Variants in SGCZ observed in about 807,000 individuals in gnomAD.
SGCZ encodes sarcoglycan zeta, also known as zeta-sarcoglycan.
A neutral mutation model predicts 41.3 loss-of-function variants in SGCZ; 40 were observed. The observed-to-expected ratio is 0.97, with a 90% CI of 0.75 to 1.26. The LOEUF is 1.26. Among genes scored for constraint, SGCZ ranks in the 50% most tolerant of loss-of-function variants. The probability of loss-of-function intolerance (pLI) is 0.00; values close to 1 mark genes in which losing one functional copy is unlikely to be tolerated. For synonymous variants in SGCZ, 206 were observed against 137.5 expected (o/e 1.50, Z -3.49); for missense variants, 552 against 369.8 (o/e 1.49, Z -4.04).
chr8:15,208,898 T>TAGAG (rs1174731361), intron 1 of SGCZ, among the ~76,000 whole-genome samples: 2 of 121,018 alleles, frequency 1.7e-5, no homozygotes, highest in Non-Finnish European at 3.8e-5. Flanking sequence ...CCTATACATA[T>TAGAG]ATATAGAGAG....
intron 1 of SGCZ, among the ~76,000 whole-genome samples, chr8:14,566,902 G>C (rs537190721): frequency 3.3e-5 from 5 of 152,158 alleles, no homozygotes; most frequent in African/African-American, 4.8e-5. Flanking sequence ...CTGTGGGCTC[G>C]GCAGGCCCCA....
chr8:14,240,037 A>C (rs769375871), intron 3 of SGCZ, among the ~76,000 whole-genome samples: 4 of 151,860 alleles, frequency 2.6e-5, no homozygotes, highest in Non-Finnish European at 5.9e-5. Flanking sequence ...GTTAGAATGG[A>C]AAGTTTAGTC....
intron 1 of SGCZ, among the ~76,000 whole-genome samples, chr8:14,820,875 AC>A (rs370025154): frequency 0.03 from 4,413 of 148,508 alleles, 167 homozygotes; most frequent in African/African-American, 0.087. Flanking sequence ...AGATCAAAAA[AC>A]AAAAAAAGAT....
intron 1 of SGCZ, among the ~76,000 whole-genome samples, chr8:14,706,895 A>T: frequency 6.6e-6 from 1 of 152,010 alleles, no homozygotes; most frequent in East Asian, 1.9e-4. Flanking sequence ...TTTTATTATA[A>T]ATGTAAAATA....
intron 5 of SGCZ, among the ~76,000 whole-genome samples, chr8:14,143,322 G>A (rs73217972): frequency 2.0e-3 from 302 of 152,114 alleles, no homozygotes; most frequent in Non-Finnish European, 3.4e-3. Context: ...AACCATTTTT[G>A]TATAGCAGGA....
intron 1 of SGCZ, among the ~76,000 whole-genome samples, chr8:15,175,953 T>C (rs1042690164): frequency 6.6e-6 from 1 of 152,118 alleles, no homozygotes; most frequent in African/African-American, 2.4e-5. Context: ...AATGGAAACG[T>C]TGTTTGCAGC....
intron 1 of SGCZ, among the ~76,000 whole-genome samples, chr8:14,965,320 G>A (rs146915322): frequency 1.4e-3 from 206 of 152,244 alleles, no homozygotes; most frequent in African/African-American, 4.7e-3. Context: ...TTTTCCTAGA[G>A]TGAAGTTTCC....
At chr8:15,052,456 T>C (rs1338018960) in intron 1 of SGCZ, among the ~76,000 whole-genome samples, 1 of 152,132 alleles carries the variant, frequency 6.6e-6, no homozygotes, top group Non-Finnish European at 1.5e-5. Flanking sequence ...CCGGATGTCC[T>C]GGCTATGGGG....
At chr8:15,200,578 T>G (rs1298125320) in intron 1 of SGCZ, among the ~76,000 whole-genome samples, 4 of 152,168 alleles carry the variant, frequency 2.6e-5, no homozygotes, top group African/African-American at 9.7e-5. Flanking sequence ...ACTATAAAAC[T>G]AGACTTTCCT....
intron 1 of SGCZ, among the ~76,000 whole-genome samples, chr8:14,993,945 G>C (rs906819573): frequency 6.6e-6 from 1 of 152,172 alleles, no homozygotes; most frequent in Non-Finnish European, 1.5e-5. Context: ...GCTGGGGCCA[G>C]ACTGTAAAGA....
At position 14,770,073 on chromosome 8, in the gene SGCZ, T is replaced by G. The variant is rs78068935; in HGVS notation, c.40-215147A>C. ...GTTTTTTCATTTTTAATGCCCCAATTTGTTTTTTCAAAATGAGGATAATAG... is the reference window on the plus strand; with the variant it reads ...GTTTTTTCATTTTTAATGCCCCAATGTGTTTTTTCAAAATGAGGATAATAG... On this transcript the variant is annotated intron_variant, in intron 1 of 7. Transcript: ENST00000382080. Among the ~76,000 whole-genome samples the G allele has an allele frequency of 1.1e-3, 172 of 150,826 alleles. 3 individuals are homozygous for G. In the East Asian group the frequency reaches 0.027, roughly 23 times the overall value.
At chr8:14,453,818 C>T (rs1472555517) in intron 2 of SGCZ, among the ~76,000 whole-genome samples, 2 of 152,158 alleles carry the variant, frequency 1.3e-5, no homozygotes, top group Non-Finnish European at 2.9e-5. Context: ...TCCAAAAATT[C>T]TGTCAGTTTT....
chr8:15,085,344 T>C (rs771802006), intron 1 of SGCZ, among the ~76,000 whole-genome samples: 28 of 152,308 alleles, frequency 1.8e-4, no homozygotes, highest in South Asian at 6.2e-4. Flanking sequence ...AAAGGGGCAA[T>C]GATCAGTAAA....
intron 1 of SGCZ, among the ~76,000 whole-genome samples, chr8:14,630,356 C>T (rs1441900781): frequency 6.6e-6 from 1 of 151,796 alleles, no homozygotes; most frequent in Non-Finnish European, 1.5e-5. Context: ...TGGCAAAACA[C>T]TTGGCTCTCA....
intron 5 of SGCZ, among the ~76,000 whole-genome samples, chr8:14,123,506 C>G (rs1174531279): frequency 1.3e-5 from 2 of 151,944 alleles, no homozygotes; most frequent in Non-Finnish European, 2.9e-5. Flanking sequence ...ATCATCCATC[C>G]TACTTTTCAA....
At chr8:14,683,484 G>A (rs1248443161) in intron 1 of SGCZ, among the ~76,000 whole-genome samples, 1 of 151,978 alleles carries the variant, frequency 6.6e-6, no homozygotes, top group Non-Finnish European at 1.5e-5. Flanking sequence ...AAATACATAT[G>A]AACTCTTTGT....
intron 4 of SGCZ, among the ~76,000 whole-genome samples, chr8:14,235,320 A>G (rs1426527588): frequency 1.3e-5 from 2 of 152,244 alleles, no homozygotes; most frequent in Non-Finnish European, 2.9e-5. Context: ...TCAAAGGACC[A>G]GGATATTAAA....
At chr8:14,823,297 A>T (rs746737634) in intron 1 of SGCZ, among the ~76,000 whole-genome samples, 2 of 152,136 alleles carry the variant, frequency 1.3e-5, no homozygotes, top group Non-Finnish European at 2.9e-5. Context: ...ATGAGACGAC[A>T]TACAAAACAG....
intron 1 of SGCZ, among the ~76,000 whole-genome samples, chr8:14,830,203 AT>A (rs1802479535): frequency 1.3e-5 from 2 of 152,128 alleles, no homozygotes; most frequent in African/African-American, 4.8e-5. Context: ...TTATTTAATT[AT>A]TCCATCAGTT....
Sources: gnomAD v4.1 joint callset for allele counts (sites outside exome capture counted in the v4.1 genomes callset) on GRCh38, gnomAD v4.1.1 for gene constraint, MANE v1.5 for transcripts, NCBI Gene and HGNC (gene_info 2026-07-23, HGNC 2026-07-21) for gene names.